Variants in UNC79 observed in about 807,000 individuals in gnomAD.
UNC79 encodes the protein protein unc-79 homolog.
Under a neutral mutation model 283.1 loss-of-function variants are expected in UNC79, and 37 were observed. The observed-to-expected ratio is 0.13, with a 90% CI of 0.10 to 0.17. The LOEUF (loss-of-function observed/expected upper bound fraction) is 0.17, where lower values mean the gene tolerates loss of function less well. Among genes scored for constraint, UNC79 ranks in the 10% least tolerant of loss-of-function variants. The pLI is 1.00. For missense variants in UNC79, 2,272 were observed against 3,211.1 expected (o/e 0.71, Z 7.07); for synonymous variants, 1,107 against 1,200.2 (o/e 0.92, Z 1.61).
At chr14:93,541,441 C>A (rs1398863811) in intron 13 of UNC79, among the ~76,000 whole-genome samples, 4 of 152,184 alleles carry the variant, frequency 2.6e-5, no homozygotes, top group Non-Finnish European at 5.9e-5. Context: ...TTTTGTTTTG[C>A]TCATTGGAGA....
chr14:93,701,709 G>C (rs2075542869), intron 47 of UNC79, among the ~76,000 whole-genome samples: 1 of 152,120 alleles, frequency 6.6e-6, no homozygotes, highest in Admixed American at 6.5e-5. Context: ...GGTGATGGCT[G>C]GGTTATATAA....
intron 11 of UNC79, among the ~76,000 whole-genome samples, chr14:93,536,782 CTTTTTTTTTT>C (rs35677025): frequency 3.5e-4 from 29 of 82,438 alleles, no homozygotes; most frequent in African/African-American, 1.2e-3. Flanking sequence ...CCACCCCCGG[CTTTTTTTTTT>C]TTTTTTTTTT....
chr14:93,670,606 GA>G (rs2072739648), intron 40 of UNC79, among the ~76,000 whole-genome samples: 1 of 152,226 alleles, frequency 6.6e-6, no homozygotes, highest in African/African-American at 2.4e-5. Context: ...TAGCTATCCA[GA>G]AGCTCTCCAA....
intron 26 of UNC79, among the ~76,000 whole-genome samples, chr14:93,609,202 A>G (rs1398127067): frequency 6.6e-6 from 1 of 152,198 alleles, no homozygotes; most frequent in Non-Finnish European, 1.5e-5. Context: ...TTATAGCACA[A>G]AATTGTTGGG....
Position 93,633,646 on chromosome 14 carries a change from G to A in UNC79, c.5716+2738G>A, listed in dbSNP as rs150628227. 2.8e-3 allele frequency among the ~76,000 whole-genome samples: 430 copies of A among 152,264 alleles called. 1 individual carries two copies. The highest frequency in any genetic ancestry group is 4.6e-3 in the Non-Finnish European group (313 of 68,014). Reference sequence around the variant, plus strand: ...CCATGATGCTCTGCCTCTCTCACTGGGCTGGTTGGTAGGGATTGGTGGGAC... The same window carrying A: ...CCATGATGCTCTGCCTCTCTCACTGAGCTGGTTGGTAGGGATTGGTGGGAC... On this transcript the variant is annotated intron_variant, in intron 31 of 48. Coordinates refer to ENST00000555664, the Ensembl canonical transcript of UNC79.
chr14:93,655,943 C>T (rs1403131544), intron 38 of UNC79, among the ~76,000 whole-genome samples: 1 of 152,178 alleles, frequency 6.6e-6, no homozygotes, highest in African/African-American at 2.4e-5. Context: ...ACAACATGAG[C>T]TCAGTAAATG....
At chr14:93,677,632 C>T (rs915585373) in intron 41 of UNC79, among the ~76,000 whole-genome samples, 2 of 152,148 alleles carry the variant, frequency 1.3e-5, no homozygotes, top group South Asian at 2.1e-4. Flanking sequence ...TGAGGAGAAA[C>T]GTTGTTTCTC....
chr14:93,384,734 G>A (rs898517969), intron 1 of UNC79, among the ~76,000 whole-genome samples: 7 of 152,046 alleles, frequency 4.6e-5, no homozygotes, highest in African/African-American at 1.7e-4. Context: ...TTTTTGCCTT[G>A]GTTGCCTGTG....
intron 19 of UNC79, among the ~76,000 whole-genome samples, chr14:93,580,713 A>AT (rs373554132): frequency 4.9e-4 from 74 of 149,944 alleles, no homozygotes; most frequent in East Asian, 2.1e-3. Flanking sequence ...TGTAAAATGT[A>AT]TTTTTTTTTT....
At chr14:93,593,563 C>T in intron 22 of UNC79, 117 bp from the exon 23 acceptor site, 2 of 1,256,548 alleles carry the variant, frequency 1.6e-6, no homozygotes, top group Non-Finnish European at 2.2e-6. Context: ...GTCATTTCAC[C>T]AAAAGCACCC....
chr14:93,621,270 T>G lies in UNC79; in HGVS notation c.4388-351T>G, dbSNP rs1412092993. ...AGAGCCATTGCTTGATTTGATTTGT[T>G]GCAAAATGTTTGCTTCTCTTCCACA... On this transcript the variant is annotated intron_variant, in intron 29 of 48. Transcript: ENST00000555664. This position sits in a 1 kb window ranked among gnomAD's most constrained non-coding sequence, Gnocchi z 4.8. 6.6e-6 allele frequency among the ~76,000 whole-genome samples: 1 copy of G among 152,186 alleles called. No individual in the cohort carries two copies. Among genetic ancestry groups the G allele is most frequent in the Non-Finnish European group, 1.5e-5 (1 of 68,022 alleles).
At chr14:93,605,621 C>A (rs1040458138) in intron 26 of UNC79, among the ~76,000 whole-genome samples, 1 of 152,202 alleles carries the variant, frequency 6.6e-6, no homozygotes, top group African/African-American at 2.4e-5. Flanking sequence ...TAGTCAAAAA[C>A]AAATTTGGTA....
intron 1 of UNC79, among the ~76,000 whole-genome samples, chr14:93,390,328 A>G (rs1010166736): frequency 2.6e-5 from 4 of 152,218 alleles, no homozygotes; most frequent in African/African-American, 9.6e-5. Context: ...TCAACCTGAT[A>G]AAAGGTTTCT....
chr14:93,550,531 A>AAAG (rs2061832834), intron 14 of UNC79, among the ~76,000 whole-genome samples: 1 of 144,104 alleles, frequency 6.9e-6, no homozygotes, highest in Non-Finnish European at 1.5e-5. Flanking sequence ...AAAAAAAAAA[A>AAAG]AAAAAAAAAA....
At chr14:93,394,521 C>G (rs2054952952) in intron 1 of UNC79, among the ~76,000 whole-genome samples, 1 of 151,348 alleles carries the variant, frequency 6.6e-6, no homozygotes, top group South Asian at 2.1e-4. Flanking sequence ...AGCGATTCTC[C>G]TGCCTCAGCC....
At chr14:93,547,427 C>G (rs1361557021) in intron 14 of UNC79, among the ~76,000 whole-genome samples, 1 of 151,970 alleles carries the variant, frequency 6.6e-6, no homozygotes, top group Non-Finnish European at 1.5e-5. Flanking sequence ...AGTTCAAGAC[C>G]AGGATTTTAT....
chr14:93,624,292 T>C (rs560534189), intron 30 of UNC79, among the ~76,000 whole-genome samples: 26 of 152,266 alleles, frequency 1.7e-4, no homozygotes, highest in South Asian at 6.2e-4. Context: ...TTGGAAAGGG[T>C]CATGCTCCAG....
intron 47 of UNC79, among the ~76,000 whole-genome samples, chr14:93,698,386 T>C (rs2075296039): frequency 6.6e-6 from 1 of 152,106 alleles, no homozygotes; most frequent in Non-Finnish European, 1.5e-5. Flanking sequence ...GTTATTAGGC[T>C]TATGTCTTTA....
At chr14:93,456,762 G>T (rs548042966) in intron 1 of UNC79, among the ~76,000 whole-genome samples, 59 of 152,308 alleles carry the variant, frequency 3.9e-4, no homozygotes, top group African/African-American at 1.3e-3. Flanking sequence ...TGGTCAGGGT[G>T]AAAGTGGGGC....
Sources: allele counts gnomAD v4.1 joint callset (sites outside exome capture counted in the v4.1 genomes callset), GRCh38; gene constraint gnomAD v4.1.1; non-coding constraint Gnocchi (gnomAD v3.1); transcripts MANE v1.5; gene names NCBI Gene and HGNC (gene_info 2026-07-23, HGNC 2026-07-21).